DAB1: variants seen among roughly 807,000 people sequenced by gnomAD.
DAB1 encodes the protein disabled homolog 1.
In DAB1, 15 loss-of-function variants were observed where a neutral mutation model predicts 64.6. That is an observed-to-expected ratio of 0.23 (90% CI 0.16 to 0.36). The LOEUF (loss-of-function observed/expected upper bound fraction) is 0.36, where lower values mean the gene tolerates loss of function less well. DAB1 is among the 10% of genes least tolerant of loss of function. The probability of loss-of-function intolerance (pLI) is 1.00; values close to 1 mark genes in which losing one functional copy is unlikely to be tolerated. For missense variants in DAB1, 596 were observed against 706.7 expected (o/e 0.84, Z 1.78); for synonymous variants, 235 against 251.9 (o/e 0.93, Z 0.64).
At chr1:57,234,127 G>A (rs1667912746) in intron 2 of DAB1, among the ~76,000 whole-genome samples, 1 of 152,190 alleles carries the variant, frequency 6.6e-6, no homozygotes, top group South Asian at 2.1e-4. Flanking sequence ...ACTATTGCTT[G>A]TACAAATATG....
chr1:57,054,714 G>A (rs762127405), intron 9 of DAB1, among the ~76,000 whole-genome samples: 30 of 152,202 alleles, frequency 2.0e-4, no homozygotes, highest in Non-Finnish European at 2.8e-4. Context: ...TCCTGACTTC[G>A]TGATCCACCT....
intron 3 of DAB1, among the ~76,000 whole-genome samples, chr1:58,503,290 A>G (rs1645936509): frequency 6.6e-6 from 1 of 152,330 alleles, no homozygotes; most frequent in East Asian, 1.9e-4. Context: ...GGCCTTGGAT[A>G]GCACAAAGGA....
chr1:57,773,232 A>T (rs1261891904), intron 6 of DAB1, among the ~76,000 whole-genome samples: 1 of 151,982 alleles, frequency 6.6e-6, no homozygotes, highest in Non-Finnish European at 1.5e-5. Flanking sequence ...GCATTTTTTC[A>T]TGTACTGATT....
At chr1:58,058,156 T>C (rs923534609) in intron 5 of DAB1, among the ~76,000 whole-genome samples, 2 of 152,130 alleles carry the variant, frequency 1.3e-5, no homozygotes, top group African/African-American at 4.8e-5. Context: ...TATGGGTGCC[T>C]AGTATGTGTT....
intron 7 of DAB1, among the ~76,000 whole-genome samples, chr1:57,518,172 C>A (rs1644484499): frequency 6.6e-6 from 1 of 151,558 alleles, no homozygotes; most frequent in East Asian, 1.9e-4. Context: ...TTGTGCTAAA[C>A]TTAATTGTCG....
At chr1:57,761,905 A>G (rs1405935470) in intron 6 of DAB1, among the ~76,000 whole-genome samples, 1 of 152,186 alleles carries the variant, frequency 6.6e-6, no homozygotes, top group Non-Finnish European at 1.5e-5. Context: ...GTTGGTGATG[A>G]TGGGTCACAA....
intron 1 of DAB1, among the ~76,000 whole-genome samples, chr1:57,358,908 C>T (rs1679334311): frequency 6.6e-6 from 1 of 151,852 alleles, no homozygotes; most frequent in Non-Finnish European, 1.5e-5. Context: ...ACTGGATATC[C>T]TCATGCAGAA....
chr1:57,359,888 A>T (rs1679411328), intron 1 of DAB1, among the ~76,000 whole-genome samples: 1 of 152,048 alleles, frequency 6.6e-6, no homozygotes, highest in Non-Finnish European at 1.5e-5. Context: ...AAAAGAGTTG[A>T]TCTCATAGAA....
chr1:58,245,116 CA>C (rs1660471316), intron 4 of DAB1, among the ~76,000 whole-genome samples: 1 of 152,182 alleles, frequency 6.6e-6, no homozygotes, highest in Non-Finnish European at 1.5e-5. Context: ...TGCAGAAGAA[CA>C]GTACTGGGGA....
At chr1:57,664,402 T>C (rs192860704) in intron 6 of DAB1, among the ~76,000 whole-genome samples, 88 of 152,326 alleles carry the variant, frequency 5.8e-4, no homozygotes, top group African/African-American at 2.1e-3. Context: ...GCTTGGCACA[T>C]TGCATATTTA....
chr1:57,949,892 T>A (rs911680630), intron 5 of DAB1, among the ~76,000 whole-genome samples: 1 of 152,204 alleles, frequency 6.6e-6, no homozygotes, highest in Non-Finnish European at 1.5e-5. Context: ...CCTTTTAAAG[T>A]GAACTGTCCC....
chr1:58,104,010 T>C (rs900693054), intron 5 of DAB1, among the ~76,000 whole-genome samples: 41 of 152,210 alleles, frequency 2.7e-4, no homozygotes, highest in Non-Finnish European at 1.9e-4. Flanking sequence ...CTTTGAAGAA[T>C]CAGCTTCTGC....
chr1:58,114,759 C>T (rs1195301888), intron 5 of DAB1, among the ~76,000 whole-genome samples: 1 of 152,190 alleles, frequency 6.6e-6, no homozygotes, highest in Non-Finnish European at 1.5e-5. Context: ...AACACCTGCC[C>T]TTAATCCTCT....
intron 7 of DAB1, among the ~76,000 whole-genome samples, chr1:57,560,358 T>C (rs1192253964): frequency 6.6e-6 from 1 of 152,260 alleles, no homozygotes; most frequent in Non-Finnish European, 1.5e-5. Context: ...ACTGGACTTA[T>C]TGGTGAGACA....
intron 6 of DAB1, among the ~76,000 whole-genome samples, chr1:57,751,479 T>G (rs1570794830): frequency 6.6e-6 from 1 of 152,258 alleles, no homozygotes; most frequent in Non-Finnish European, 1.5e-5. Context: ...TGATGACTCT[T>G]CAGTTCCAGT....
At chr1:57,795,420 G>C (rs533584103) in intron 6 of DAB1, among the ~76,000 whole-genome samples, 1 of 151,714 alleles carries the variant, frequency 6.6e-6, no homozygotes, top group African/African-American at 2.4e-5. Flanking sequence ...ATTCCCTGGA[G>C]GACCAGGGAA....
chr1:57,251,122 A>G (rs2100518653), intron 2 of DAB1, among the ~76,000 whole-genome samples: 1 of 152,328 alleles, frequency 6.6e-6, no homozygotes, highest in African/African-American at 2.4e-5. Flanking sequence ...TGAGGTGTGT[A>G]GTTGTCCAAA....
rs1414733157 is a variant in DAB1 at position 56,995,001 on chromosome 1, ATG to A, written c.*3141_*3142del. ...TCTTTCTCATCTTTATTAAAAAAAT[ATG>A]TGTCAGAACGCAGAAATTGAAATGA... On this transcript the variant is annotated 3_prime_UTR_variant, in exon 15 of 15. Coordinates refer to ENST00000371236, the MANE Select transcript of DAB1 (RefSeq NM_001365792.1). 3 of 152,222 alleles carry A rather than the reference ATG, an allele frequency of 2.0e-5. No individual in the cohort carries two copies. The highest frequency in any genetic ancestry group is 7.2e-5 in the African/African-American group (3 of 41,456). The allele number at this position is 152,222 out of a possible 1,614,324, so 9.4% of individuals were successfully genotyped here.
chr1:58,249,182 G>GCA (rs139349579), intron 4 of DAB1, among the ~76,000 whole-genome samples: 16 of 151,370 alleles, frequency 1.1e-4, no homozygotes, highest in African/African-American at 2.7e-4. Flanking sequence ...ATTGGTACAC[G>GCA]CACACACACA....
Sources: allele counts gnomAD v4.1 joint callset (sites outside exome capture counted in the v4.1 genomes callset), GRCh38; gene constraint gnomAD v4.1.1; transcripts MANE v1.5; gene names NCBI Gene and HGNC (gene_info 2026-07-23, HGNC 2026-07-21).